The following GRIA1 variants were observed in gnomAD, a reference collection of about 807,000 sequenced individuals.
GRIA1 encodes the protein glutamate ionotropic receptor AMPA type subunit 1.
GRIA1 carries 31 observed loss-of-function variants against 99.2 expected under a neutral mutation model. The ratio of observed to expected loss-of-function variants is 0.31; its 90% CI spans 0.23 to 0.42. GRIA1 has a LOEUF of 0.42. Among genes scored for constraint, GRIA1 ranks in the 10% least tolerant of loss-of-function variants. The pLI is 1.00. For missense variants in GRIA1, 782 were observed against 1,157.5 expected, an observed-to-expected ratio of 0.68 and a Z score of 4.71; for synonymous variants, 438 against 432.4, an observed-to-expected ratio of 1.01 and a Z score of -0.16.
intron 5 of GRIA1, among the ~76,000 whole-genome samples, chr5:153,661,351 A>G (rs1755358343): frequency 6.6e-6 from 1 of 151,978 alleles, no homozygotes; most frequent in African/African-American, 2.4e-5. Context: ...ACCTTTTCTG[A>G]GTTTTTGTTG....
chr5:153,795,074 C>A (rs546374369), intron 14 of GRIA1, among the ~76,000 whole-genome samples: 1 of 152,242 alleles, frequency 6.6e-6, no homozygotes, highest in Admixed American at 6.5e-5. Context: ...TACAGGGTGC[C>A]CTTTTTTTCA....
At chr5:153,577,081 A>ATGGATGG (rs1762619392) in intron 2 of GRIA1, among the ~76,000 whole-genome samples, 19 of 41,948 alleles carry the variant, frequency 4.5e-4, no homozygotes, top group African/African-American at 9.1e-4. Context: ...TGGATGGATG[A>ATGGATGG]GTGGATGAAT....
intron 2 of GRIA1, among the ~76,000 whole-genome samples, chr5:153,565,536 T>C (rs1310297381): frequency 6.6e-6 from 1 of 152,216 alleles, no homozygotes; most frequent in East Asian, 1.9e-4. Flanking sequence ...TTCATCGCCA[T>C]AATCTAATTT....
intron 2 of GRIA1, among the ~76,000 whole-genome samples, chr5:153,576,403 T>C (rs1382490152): frequency 6.6e-6 from 1 of 152,276 alleles, no homozygotes; most frequent in East Asian, 1.9e-4. Context: ...GTGGAGGCAA[T>C]AGCCTGCACT....
intron 11 of GRIA1, among the ~76,000 whole-genome samples, chr5:153,721,729 T>A (rs187310491): frequency 6.6e-6 from 1 of 152,366 alleles, no homozygotes; most frequent in Admixed American, 6.5e-5. Context: ...AGTATTCCAT[T>A]TTGTGGATAT....
chr5:153,599,461 G>C (rs1764706424), intron 2 of GRIA1, among the ~76,000 whole-genome samples: 1 of 152,008 alleles, frequency 6.6e-6, no homozygotes, highest in South Asian at 2.1e-4. Context: ...CAACATCTAG[G>C]TATGTTTAAG....
intron 1 of GRIA1, chr5:153,491,194 A>T: frequency 8.5e-7 from 1 of 1,169,886 alleles, no homozygotes; most frequent in Non-Finnish European, 1.1e-6. Context: ...CACATACCCT[A>T]CTCGCACTCC....
intron 2 of GRIA1, among the ~76,000 whole-genome samples, chr5:153,635,744 G>C (rs1333720679): frequency 6.6e-6 from 1 of 152,168 alleles, no homozygotes; most frequent in Non-Finnish European, 1.5e-5. Flanking sequence ...TAGAGCCTTG[G>C]CCTCAAAGGG....
chr5:153,694,754 A>T (rs370760199), intron 8 of GRIA1, among the ~76,000 whole-genome samples: 127 of 152,326 alleles, frequency 8.3e-4, no homozygotes, highest in African/African-American at 2.8e-3. Context: ...CCTCTTTTTT[A>T]AAATAATACA....
At chr5:153,532,106 C>T (rs1176554860) in intron 2 of GRIA1, among the ~76,000 whole-genome samples, 1 of 151,966 alleles carries the variant, frequency 6.6e-6, no homozygotes, top group Admixed American at 6.6e-5. Flanking sequence ...CCTTTACAGC[C>T]CTTTTACATA....
intron 2 of GRIA1, among the ~76,000 whole-genome samples, chr5:153,576,982 ATGGG>A (rs1244863310): frequency 1.5e-4 from 13 of 88,796 alleles, no homozygotes; most frequent in African/African-American, 3.2e-4. Context: ...GGATGGATGG[ATGGG>A]TGAGTGGATG....
At chr5:153,695,968 T>C (rs528274304) in intron 8 of GRIA1, among the ~76,000 whole-genome samples, 49 of 152,290 alleles carry the variant, frequency 3.2e-4, no homozygotes, top group Non-Finnish European at 6.3e-4. Flanking sequence ...AACAAGTATG[T>C]TTATTTCAGT....
chr5:153,611,832 C>T (rs1766015146), intron 2 of GRIA1, among the ~76,000 whole-genome samples: 1 of 152,256 alleles, frequency 6.6e-6, no homozygotes, highest in African/African-American at 2.4e-5. Context: ...TGTTCTCTCA[C>T]CGGCTCATTT....
intron 11 of GRIA1, among the ~76,000 whole-genome samples, chr5:153,729,414 G>A (rs7716290): frequency 0.53 from 80,399 of 151,304 alleles, 22,183 homozygotes; most frequent in East Asian, 0.94. Flanking sequence ...TTAATTAATT[G>A]AAAAAAGAGA....
intron 2 of GRIA1, among the ~76,000 whole-genome samples, chr5:153,641,604 A>G (rs1368047791): frequency 1.4e-4 from 22 of 151,910 alleles, no homozygotes; most frequent in Admixed American, 1.4e-3. Context: ...AGAATCTGAC[A>G]CTCTGGCAGG....
chr5:153,634,477 C>T (rs1753208756), intron 2 of GRIA1, among the ~76,000 whole-genome samples: 1 of 152,036 alleles, frequency 6.6e-6, no homozygotes. Context: ...TGTAAAACCT[C>T]AAGGCAAGAA....
chr5:153,601,211 C>G (rs1764925604), intron 2 of GRIA1, among the ~76,000 whole-genome samples: 1 of 152,148 alleles, frequency 6.6e-6, no homozygotes, highest in African/African-American at 2.4e-5. Context: ...GCTGTTATCC[C>G]CATTTTACAA....
intron 2 of GRIA1, among the ~76,000 whole-genome samples, chr5:153,552,096 C>G (rs1206222229): frequency 6.6e-6 from 1 of 151,978 alleles, no homozygotes; most frequent in African/African-American, 2.4e-5. Flanking sequence ...CACCAGAGGT[C>G]CCAAACTGGT....
intron 10 of GRIA1, among the ~76,000 whole-genome samples, chr5:153,702,658 A>G (rs541134565): frequency 6.6e-5 from 10 of 152,220 alleles, no homozygotes; most frequent in Admixed American, 2.0e-4. Flanking sequence ...CTGGGAACCT[A>G]TTAGAAATGC....
Sources: gnomAD v4.1 joint callset for allele counts (sites outside exome capture counted in the v4.1 genomes callset) on GRCh38, gnomAD v4.1.1 for gene constraint, MANE v1.5 for transcripts, NCBI Gene and HGNC (gene_info 2026-07-23, HGNC 2026-07-21) for gene names.